The following WASHC2A variants were observed in gnomAD, a reference collection of about 807,000 sequenced individuals.
WASHC2A encodes WASH complex subunit 2A.
In WASHC2A, 82 loss-of-function variants were observed where a neutral mutation model predicts 140.3. The observed-to-expected ratio is 0.58, with a 90% CI of 0.49 to 0.70. The LOEUF is 0.70. WASHC2A is among the 30% of genes least tolerant of loss of function. The pLI is 0.00. For missense variants in WASHC2A, 985 were observed against 1,521.8 expected, an observed-to-expected ratio of 0.65 and a Z score of 5.87; for synonymous variants, 340 against 560.8, an observed-to-expected ratio of 0.61 and a Z score of 5.56.
intron 5 of WASHC2A, among the ~76,000 whole-genome samples, chr10:50,081,646 T>A (rs1437295739): frequency 6.0e-5 from 9 of 150,754 alleles, no homozygotes; most frequent in Admixed American, 5.9e-4. Context: ...ACCCTTTTTT[T>A]TTTTTGAGAC....
At chr10:50,086,582 C>A (rs1373925400) in intron 7 of WASHC2A, among the ~76,000 whole-genome samples, 4 of 144,234 alleles carry the variant, frequency 2.8e-5, no homozygotes, top group Admixed American at 1.4e-4. Context: ...TCTCCCAATG[C>A]TATCCCTCCC....
Position 50,068,093 on chromosome 10 carries a change from T to C in WASHC2A, c.4-12T>C, listed in dbSNP as rs781928486. On this transcript the variant is annotated splice_polypyrimidine_tract_variant and intron_variant, in intron 1 of 30. Coordinates refer to ENST00000282633, the MANE Select transcript of WASHC2A (RefSeq NM_001005751.3). The stretch of plus-strand genomic sequence containing the variant: ...TCAGGCTCAGCTTCTCTTCTCGTTT[T>C]TTTCGCTGCAGATGAACCGGACGAC... 13 of 1,608,692 alleles carry C rather than the reference T, an allele frequency of 8.1e-6. No individual in the cohort carries two copies. The Admixed American group carries it at 2.0e-4, about 25-fold the overall frequency.
chr10:50,095,820 A>G (rs1167282938), intron 15 of WASHC2A, 42 bp downstream of exon 15: 2 of 1,564,132 alleles, frequency 1.3e-6, no homozygotes, highest in Non-Finnish European at 1.7e-6. Flanking sequence ...CAGCCAGAAA[A>G]AGAACGTTGC....
intron 3 of WASHC2A, among the ~76,000 whole-genome samples, chr10:50,076,581 A>G (rs546882092): frequency 1.5e-4 from 23 of 152,322 alleles, no homozygotes; most frequent in African/African-American, 5.5e-4. Flanking sequence ...GTGACAGGGA[A>G]TTCTACACAT....
chr10:50,106,455 G>T lies in WASHC2A; in HGVS notation c.1859G>T (p.Ser620Ile). Residue 620 changes from serine (S) to isoleucine (I), a missense_variant, in exon 19 of 31, where the codon AGT becomes ATT. Ser to Ile is a moderately radical substitution (Grantham distance 142). Coordinates refer to ENST00000282633, the MANE Select transcript of WASHC2A (RefSeq NM_001005751.3). The part of the protein sequence containing the change: ...KKKASALLFS[S>I]DEEDQWNIPA... Reference sequence around the variant, plus strand: ...AAAGCATCTGCCCTGTTGTTCAGCAGTGATGAGGAGGTGAGCTGAGGTTTC... The same window carrying T: ...AAAGCATCTGCCCTGTTGTTCAGCATTGATGAGGAGGTGAGCTGAGGTTTC... 6.2e-7 allele frequency: 1 copy of T among 1,609,072 alleles called. No homozygotes were observed. Among genetic ancestry groups the T allele is most frequent in the Non-Finnish European group, 8.5e-7 (1 of 1,178,940 alleles).
intron 5 of WASHC2A, among the ~76,000 whole-genome samples, chr10:50,082,155 T>G (rs148182497): frequency 0.037 from 5,501 of 149,224 alleles, 300 homozygotes; most frequent in African/African-American, 0.12. Flanking sequence ...CTTTTTTTTT[T>G]CCCCTTGCAG....
chr10:50,075,054 ATGTGTGTG>A (rs142470094), intron 3 of WASHC2A, among the ~76,000 whole-genome samples: 3 of 150,894 alleles, frequency 2.0e-5, no homozygotes, highest in African/African-American at 7.3e-5. Context: ...AGATGACGGT[ATGTGTGTG>A]TGTGTGTGTA....
Position 50,097,795 on chromosome 10 carries a change from A to G in WASHC2A, c.1541A>G (p.Glu514Gly), listed in dbSNP as rs1840631395. Residue 514 changes from glutamate to glycine, a missense_variant, in exon 16 of 31, where the codon GAA (glutamate) becomes GGA (glycine). Coordinates refer to ENST00000282633, the MANE Select transcript of WASHC2A (RefSeq NM_001005751.3). ...SQTDENKARA[E>G]KKVTLSSSKN... ...ACAGATGAAAATAAAGCAAGAGCAG[A>G]AAAAAAGGTGAGCAGGAGGGAAGAC... The G allele has an allele frequency of 6.2e-7, 1 of 1,606,100 alleles. No homozygotes were observed. Among genetic ancestry groups the G allele is most frequent in the African/African-American group, 1.3e-5 (1 of 74,248 alleles).
At chr10:50,094,935 A>C (rs1286252826) in intron 13 of WASHC2A, among the ~76,000 whole-genome samples, 1 of 151,608 alleles carries the variant, frequency 6.6e-6, no homozygotes, top group Non-Finnish European at 1.5e-5. Context: ...CTTCCATTGG[A>C]GTCACAGCTC....
chr10:50,126,662 A>G (rs1165604915), intron 26 of WASHC2A, among the ~76,000 whole-genome samples: 1 of 152,158 alleles, frequency 6.6e-6, no homozygotes, highest in East Asian at 1.9e-4. Context: ...AGCGAGTGCC[A>G]GTTCCACGTG....
intron 30 of WASHC2A, 185 bp downstream of exon 30, chr10:50,131,263 TC>T: frequency 1.4e-6 from 1 of 731,000 alleles, no homozygotes; most frequent in Non-Finnish European, 2.5e-6. Flanking sequence ...AGTAACTCTT[TC>T]CTATGATAGT....
In WASHC2A at chr10:50,100,387, T is replaced by G. The variant is rs868924964; in HGVS notation, c.1635+323T>G. 7.1e-3 allele frequency among the ~76,000 whole-genome samples: 1,076 copies of G among 151,974 alleles called. 13 individuals carry two copies. Among genetic ancestry groups the G allele is most frequent in the African/African-American group, 0.022 (919 of 41,444 alleles). On this transcript the variant is annotated intron_variant, in intron 17 of 30. Transcript: ENST00000282633. The stretch of plus-strand genomic sequence containing the variant: ...ATCCCAGTTACTCAGAAGGCTGAGA[T>G]AGGAGATTCACTTGAACCCGGGAGG...
At chr10:50,095,032 G>A in intron 13 of WASHC2A, 116 bp from the exon 14 acceptor site, 1 of 1,576,260 alleles carries the variant, frequency 6.3e-7, no homozygotes, top group Non-Finnish European at 8.6e-7. Context: ...TCAGGAAAAA[G>A]TGGTTTCAAA....
At chr10:50,091,903 A>T (rs1839965947) in intron 10 of WASHC2A, among the ~76,000 whole-genome samples, 1 of 152,170 alleles carries the variant, frequency 6.6e-6, no homozygotes, top group Admixed American at 6.5e-5. Context: ...GAAAGATAAC[A>T]CAATAATTCT....
At position 50,081,255 on chromosome 10, in the gene WASHC2A, C is replaced by G. The variant is rs1554879677; in HGVS notation, c.528+324C>G. ...GCCCTGAGAGAGAATTGACTTCCAG[C>G]TGGAATTTTGGGGCAAAGATGATAT... On this transcript the variant is annotated intron_variant, in intron 5 of 30. Transcript: ENST00000282633. Among the ~76,000 whole-genome samples, 3 of 133,394 alleles carry G rather than the reference C, an allele frequency of 2.2e-5. 1 individual carries two copies. Among genetic ancestry groups the G allele is most frequent in the African/African-American group, 8.5e-5 (3 of 35,198 alleles). The allele number at this position is 133,394 out of a possible 152,430, so 87.5% of individuals were successfully genotyped here.
At chr10:50,092,433 G>A (rs1206103496) in intron 11 of WASHC2A, among the ~76,000 whole-genome samples, 200 bp downstream of exon 11, 6 of 152,096 alleles carry the variant, frequency 3.9e-5, no homozygotes, top group African/African-American at 7.2e-5. Flanking sequence ...CGAGGCGGGC[G>A]GATCATGAGG....
chr10:50,076,748 C>T (rs1554878079), intron 3 of WASHC2A, among the ~76,000 whole-genome samples: 1 of 151,532 alleles, frequency 6.6e-6, no homozygotes, highest in African/African-American at 2.4e-5. Context: ...GAGGCCAAGG[C>T]CGATGGATCA....
chr10:50,127,416 G>T (rs1197421490), intron 27 of WASHC2A, among the ~76,000 whole-genome samples, 167 bp from the exon 28 acceptor site: 1 of 152,092 alleles, frequency 6.6e-6, no homozygotes, highest in South Asian at 2.1e-4. Flanking sequence ...GGGCATAGGT[G>T]TAAGACGCTC....
In WASHC2A at chr10:50,118,063, A is replaced by T. The variant is rs1842807370; in HGVS notation, c.2295+5A>T. 1 of 1,607,900 alleles carries T rather than the reference A, an allele frequency of 6.2e-7. No individual in the cohort carries two copies. The highest frequency in any genetic ancestry group is 8.5e-7 in the Non-Finnish European group (1 of 1,177,398). ...GATGTGGCTGAGTCAGAAAAGGTGG[A>T]CTTTTTTCTCTTGTATACTTGAATG... On this transcript the variant is annotated splice_donor_5th_base_variant and intron_variant, in intron 22 of 30. Transcript: ENST00000282633.
Sources: gnomAD v4.1 joint callset for allele counts (sites outside exome capture counted in the v4.1 genomes callset) on GRCh38, gnomAD v4.1.1 for gene constraint, MANE v1.5 for transcripts, NCBI Gene and HGNC (gene_info 2026-07-23, HGNC 2026-07-21) for gene names.